Variants in CACNA1A observed in about 807,000 individuals in gnomAD.
CACNA1A encodes voltage-dependent P/Q-type calcium channel subunit alpha-1A.
In CACNA1A, 57 loss-of-function variants were observed where a neutral mutation model predicts 262.4. The ratio of observed to expected loss-of-function variants is 0.22; its 90% CI spans 0.18 to 0.27. CACNA1A has a LOEUF of 0.27. CACNA1A is among the 10% of genes least tolerant of loss of function. CACNA1A has a pLI of 1.00. For missense variants in CACNA1A, 2,526 were observed against 3,562.8 expected, an observed-to-expected ratio of 0.71 and a Z score of 7.41; for synonymous variants, 1,431 against 1,419.3, an observed-to-expected ratio of 1.01 and a Z score of -0.18.
At chr19:13,324,563 C>A (rs2058316063) in intron 10 of CACNA1A, among the ~76,000 whole-genome samples, 1 of 152,130 alleles carries the variant, frequency 6.6e-6, no homozygotes, top group Non-Finnish European at 1.5e-5. Context: ...TAAACATACA[C>A]AATTACCATT....
At chr19:13,323,309 C>T (rs1393059358) in intron 10 of CACNA1A, among the ~76,000 whole-genome samples, 7 of 152,062 alleles carry the variant, frequency 4.6e-5, no homozygotes, top group African/African-American at 1.7e-4. Context: ...AAGATAATAG[C>T]TACTCTAACA....
chr19:13,298,726 C>G lies in CACNA1A; in HGVS notation c.2907G>C (p.Pro969=). 3 of 1,499,008 alleles carry G rather than the reference C, an allele frequency of 2.0e-6. No individual in the cohort carries two copies. The highest frequency in any genetic ancestry group is 2.5e-5 in the South Asian group (2 of 79,110). 92.9% of individuals were successfully genotyped at this position (1,499,008 alleles called of 1,614,324 possible). The part of the protein sequence containing the change: ...RAHRRPGEEG[P]EDKAERRARH... ...GCGCCCTCCGCTCCGCCTTGTCCTCCGGACCCTCCTCCCCGGGCCTGCGGT... is the reference window on the plus strand; with the variant it reads ...GCGCCCTCCGCTCCGCCTTGTCCTCGGGACCCTCCTCCCCGGGCCTGCGGT... Residue 969 remains proline, a synonymous_variant, in exon 19 of 47, where the codon CCG becomes CCC. Transcript: ENST00000360228.
chr19:13,326,788 CAAAAAA>C (rs527327502), intron 10 of CACNA1A, among the ~76,000 whole-genome samples: 1 of 129,482 alleles, frequency 7.7e-6, no homozygotes, highest in Admixed American at 7.6e-5. Context: ...GACACTGTCT[CAAAAAA>C]AAAAAAAAAA....
At chr19:13,346,645 TA>T (rs2058779052) in intron 6 of CACNA1A, among the ~76,000 whole-genome samples, 3 of 8,002 alleles carry the variant, frequency 3.7e-4, no homozygotes, top group Non-Finnish European at 7.3e-4. Flanking sequence ...TATATATATA[TA>T]TATATATATA....
intron 3 of CACNA1A, among the ~76,000 whole-genome samples, chr19:13,387,595 A>G (rs935200370): frequency 6.6e-6 from 1 of 152,188 alleles, no homozygotes; most frequent in Non-Finnish European, 1.5e-5. Flanking sequence ...TAGCCTGAGC[A>G]TGGGAAGGAG....
chr19:13,488,679 C>T (rs939759417), intron 1 of CACNA1A, among the ~76,000 whole-genome samples: 6 of 151,988 alleles, frequency 3.9e-5, no homozygotes, highest in Admixed American at 3.3e-4. Context: ...GGATTACACA[C>T]GTGAGCCACC....
At chr19:13,327,704 CTGGGA>C (rs1269803015) in intron 10 of CACNA1A, among the ~76,000 whole-genome samples, 8 of 151,370 alleles carry the variant, frequency 5.3e-5, no homozygotes, top group Non-Finnish European at 8.8e-5. Context: ...TCCTGAGTAG[CTGGGA>C]TTACAGGCTC....
In CACNA1A at chr19:13,402,873, C is replaced by CACACAT. The variant is rs1201892162; in HGVS notation, c.540-31095_540-31094insATGTGT. ...ATATATATATACACACACACACACA[C>CACACAT]ATATATATATATATATATATATATA... On this transcript the variant is annotated intron_variant, in intron 3 of 46. Transcript: ENST00000360228. Among the ~76,000 whole-genome samples, 236 of 72,730 alleles carry CACACAT rather than the reference C, an allele frequency of 3.2e-3. 2 individuals carry two copies. Among genetic ancestry groups the CACACAT allele is most frequent in the Admixed American group, 5.5e-3 (35 of 6,364 alleles). 47.7% of individuals were successfully genotyped at this position (72,730 alleles called of 152,430 possible).
intron 3 of CACNA1A, among the ~76,000 whole-genome samples, chr19:13,391,192 C>T (rs2059705125): frequency 6.6e-6 from 1 of 152,146 alleles, no homozygotes; most frequent in African/African-American, 2.4e-5. Flanking sequence ...GCCCCAATTG[C>T]ATCTTTATTT....
intron 3 of CACNA1A, among the ~76,000 whole-genome samples, chr19:13,406,144 C>T (rs945723716): frequency 1.6e-4 from 25 of 151,634 alleles, no homozygotes; most frequent in African/African-American, 5.8e-4. Context: ...AGTGAAACCA[C>T]ATCTCTATAA....
chr19:13,498,031 C>T (rs975618311), intron 1 of CACNA1A, among the ~76,000 whole-genome samples: 4 of 151,930 alleles, frequency 2.6e-5, no homozygotes, highest in Non-Finnish European at 4.4e-5. Context: ...GTTAATCAAA[C>T]AGACACATTC....
intron 5 of CACNA1A, among the ~76,000 whole-genome samples, chr19:13,361,391 C>T (rs1336295580): frequency 3.3e-5 from 5 of 152,156 alleles, no homozygotes; most frequent in Admixed American, 1.3e-4. Context: ...GGAAAGCTCA[C>T]ATCTGGGAGT....
intron 1 of CACNA1A, among the ~76,000 whole-genome samples, chr19:13,486,614 AAG>A (rs780185505): frequency 6.6e-5 from 10 of 152,318 alleles, no homozygotes; most frequent in Admixed American, 4.6e-4. Context: ...AGACAGAAAA[AAG>A]AAAAAAATAA....
chr19:13,375,886 T>A (rs1426260620), intron 3 of CACNA1A, among the ~76,000 whole-genome samples: 1 of 152,224 alleles, frequency 6.6e-6, no homozygotes, highest in Non-Finnish European at 1.5e-5. Flanking sequence ...AAAGGGCTAC[T>A]CTAGTAAACA....
chr19:13,426,771 G>A (rs1213555012), intron 3 of CACNA1A, among the ~76,000 whole-genome samples: 3 of 152,146 alleles, frequency 2.0e-5, no homozygotes, highest in Non-Finnish European at 4.4e-5. Context: ...CAGCATCTTG[G>A]TTTGCTGGGA....
At chr19:13,490,244 A>G (rs1207587560) in intron 1 of CACNA1A, among the ~76,000 whole-genome samples, 5 of 152,218 alleles carry the variant, frequency 3.3e-5, no homozygotes, top group Admixed American at 1.3e-4. Context: ...TACACTGCTT[A>G]TCTTATAGAT....
chr19:13,359,444 A>G (rs1052536368), intron 6 of CACNA1A, among the ~76,000 whole-genome samples, 162 bp downstream of exon 6: 4 of 152,104 alleles, frequency 2.6e-5, no homozygotes, highest in African/African-American at 9.7e-5. Context: ...TGTAATCTTC[A>G]AAAGCCTGAG....
intron 38 of CACNA1A, among the ~76,000 whole-genome samples, chr19:13,222,623 T>C (rs912723817): frequency 2.0e-5 from 3 of 151,378 alleles, no homozygotes; most frequent in Admixed American, 1.3e-4. Context: ...TCTCGATTTC[T>C]TGACCTCATG....
At chr19:13,422,191 T>C (rs1052695874) in intron 3 of CACNA1A, among the ~76,000 whole-genome samples, 5 of 151,932 alleles carry the variant, frequency 3.3e-5, no homozygotes, top group Admixed American at 6.6e-5. Flanking sequence ...TGTAATGGCA[T>C]GCACCTGTGG....
Sources: gnomAD v4.1 joint callset for allele counts (sites outside exome capture counted in the v4.1 genomes callset) on GRCh38, gnomAD v4.1.1 for gene constraint, MANE v1.5 for transcripts, NCBI Gene and HGNC (gene_info 2026-07-23, HGNC 2026-07-21) for gene names.